The following MPDZ variants were observed in gnomAD, a reference collection of about 807,000 sequenced individuals.
MPDZ encodes the protein multiple PDZ domain protein.
MPDZ carries 234 observed loss-of-function variants against 239.1 expected under a neutral mutation model. The observed-to-expected ratio is 0.98, with a 90% CI of 0.88 to 1.09. The LOEUF is 1.09. Among genes scored for constraint, MPDZ ranks in the 50% least tolerant of loss-of-function variants. MPDZ has a pLI of 0.00. For missense variants in MPDZ, 3,175 were observed against 2,510.0 expected (o/e 1.26, Z -5.66); for synonymous variants, 1,048 against 881.3 (o/e 1.19, Z -3.35).
Position 13,121,618 on chromosome 9 carries a change from C to A in MPDZ, c.5231+121G>T, listed in dbSNP as rs573492807. The A allele has an allele frequency of 2.3e-5, 23 of 995,722 alleles. No homozygotes were observed. In the South Asian group the frequency reaches 2.9e-4, roughly 13 times the overall value. 61.7% of individuals were successfully genotyped at this position (995,722 alleles called of 1,614,324 possible). ...TATGGTTCCTTAGTGAGGGGGCTAA[C>A]AACAGCTACCTACTGAACACTAGCC... On this transcript the variant is annotated intron_variant, in intron 38 of 46. Coordinates refer to ENST00000319217, the MANE Select transcript of MPDZ (RefSeq NM_001378778.1).
chr9:13,224,653 G>C lies in MPDZ; in HGVS notation c.184-70C>G, dbSNP rs537485084. On this transcript the variant is annotated intron_variant, in intron 3 of 46. Coordinates refer to ENST00000319217, the MANE Select transcript of MPDZ (RefSeq NM_001378778.1). ...ACTATTTCATAGAAAATATCCCAAG[G>C]GTACAAGGACATACAAATGAAATTT... The C allele has an allele frequency of 1.3e-4, 137 of 1,042,352 alleles. No individual in the cohort carries two copies. In the African/African-American group the frequency reaches 2.1e-3, roughly 16 times the overall value. The allele number at this position is 1,042,352 out of a possible 1,614,324, so 64.6% of individuals were successfully genotyped here.
chr9:13,107,084 T>C lies in MPDZ; in HGVS notation c.6094A>G (p.Lys2032Glu), dbSNP rs749135989. 6.3e-7 allele frequency: 1 copy of C among 1,582,666 alleles called. No homozygotes were observed. The highest frequency in any genetic ancestry group is 2.3e-5 in the East Asian group (1 of 44,306). ...KGAASEDGRL[K>E]RGDQIIAVNG... ...ACAGCAATGATCTGATCGCCCCTTT[T>C]CAGACGTCCGTCTTCAGAGGCTGCT... Residue 2032 changes from lysine (K) to glutamate (E), a missense_variant, in exon 47 of 47, where the codon AAA becomes GAA. Lys to Glu is a moderately conservative substitution (Grantham distance 56). Coordinates refer to ENST00000319217, the MANE Select transcript of MPDZ (RefSeq NM_001378778.1).
chr9:13,115,341 G>T lies in MPDZ; in HGVS notation c.5380-7C>A. On this transcript the variant is annotated splice_region_variant and splice_polypyrimidine_tract_variant and intron_variant, in intron 39 of 46. Coordinates refer to ENST00000319217, the MANE Select transcript of MPDZ (RefSeq NM_001378778.1). ...TTACTGTGCCTAGGGAACACTGGGGGTGGGCATGGGGGGTGTTTTATGGAA... is the reference window on the plus strand; with the variant it reads ...TTACTGTGCCTAGGGAACACTGGGGTTGGGCATGGGGGGTGTTTTATGGAA... The T allele has an allele frequency of 6.2e-6, 10 of 1,607,132 alleles. No homozygotes were observed. Among genetic ancestry groups the T allele is most frequent in the Non-Finnish European group, 8.5e-6 (10 of 1,174,840 alleles).
At chr9:13,139,818 G>C (rs1947369431) in intron 28 of MPDZ, 169 bp downstream of exon 28, 1 of 768,548 alleles carries the variant, frequency 1.3e-6, no homozygotes, top group South Asian at 1.5e-5. Flanking sequence ...TCATGCCTCA[G>C]GAATGTATGC....
Position 13,106,055 on chromosome 9 carries a change from T to C in MPDZ, c.*910A>G, listed in dbSNP as rs1357313354. On this transcript the variant is annotated 3_prime_UTR_variant, in exon 47 of 47. Coordinates refer to ENST00000319217, the MANE Select transcript of MPDZ (RefSeq NM_001378778.1). ...ATTAGTAACACATTGTTCTCTGTCA[T>C]TAAGATTAATATGAATTGAAAACCA... The C allele has an allele frequency of 1.3e-5, 2 of 152,194 alleles. No homozygotes were observed. The highest frequency in any genetic ancestry group is 2.9e-5 in the Non-Finnish European group (2 of 68,024). The allele number at this position is 152,194 out of a possible 1,614,324, so 9.4% of individuals were successfully genotyped here.
intron 41 of MPDZ, among the ~76,000 whole-genome samples, 156 bp downstream of exon 41, chr9:13,113,775 T>TC (rs1942900392): frequency 6.6e-6 from 1 of 152,218 alleles, no homozygotes; most frequent in Admixed American, 6.5e-5. Flanking sequence ...AGGCAGAACT[T>TC]CATGTTGTTC....
chr9:13,202,631 G>C (rs184242534), intron 12 of MPDZ, among the ~76,000 whole-genome samples: 11 of 152,178 alleles, frequency 7.2e-5, no homozygotes, highest in Non-Finnish European at 1.2e-4. Flanking sequence ...ATAGGAATGG[G>C]ACCTAGGTGG....
At position 13,222,448 on chromosome 9, in the gene MPDZ, T is replaced by G; in HGVS notation, c.534-2A>C. ...TCAGTTTCTTTCAATCTTCCATCTC[T>G]ATCAAGGATGCAAAAGGGGATAAAA... On this transcript the variant is annotated splice_acceptor_variant, in intron 5 of 46. Transcript: ENST00000319217. LOFTEE classifies it high-confidence loss of function. 6.2e-7 allele frequency: 1 copy of G among 1,609,442 alleles called. No individual in the cohort carries two copies. Among genetic ancestry groups the G allele is most frequent in the Non-Finnish European group, 8.5e-7 (1 of 1,177,100 alleles).
chr9:13,278,051 G>A (rs961081952), intron 1 of MPDZ, among the ~76,000 whole-genome samples: 1 of 152,084 alleles, frequency 6.6e-6, no homozygotes, highest in Non-Finnish European at 1.5e-5. Context: ...TTTCAGATAA[G>A]GTGTTATTTA....
intron 3 of MPDZ, among the ~76,000 whole-genome samples, chr9:13,229,590 A>ACACACACACACACACCCCCATCCACCC (rs1961751656): frequency 1.3e-5 from 2 of 151,516 alleles, no homozygotes; most frequent in Non-Finnish European, 2.9e-5. Flanking sequence ...ACACACACAC[A>ACACACACACACACACCCCCATCCACCC]CACACACACA....
At chr9:13,136,037 A>AT (rs1946685158) in intron 31 of MPDZ, 55 bp downstream of exon 31, 1 of 1,173,490 alleles carries the variant, frequency 8.5e-7, no homozygotes, top group Non-Finnish European at 1.2e-6. Context: ...GATTGAATTA[A>AT]TAAGGCTCAC....
chr9:13,210,579 T>A (rs557716786), intron 10 of MPDZ, among the ~76,000 whole-genome samples: 1 of 152,188 alleles, frequency 6.6e-6, no homozygotes, highest in East Asian at 1.9e-4. Context: ...TTAGCTGCTT[T>A]GACAGTGGAG....
chr9:13,115,137 T>C, intron 40 of MPDZ, 111 bp downstream of exon 40: 1 of 830,418 alleles, frequency 1.2e-6, no homozygotes, highest in Non-Finnish European at 2.0e-6. Flanking sequence ...TCAGTCACTA[T>C]CCCACGCTGC....
rs532755934 is a variant in MPDZ, at chr9:13,221,355, C to G, written c.876+17G>C. On this transcript the variant is annotated intron_variant, in intron 7 of 46. Transcript: ENST00000319217. ...TATTTGATAAAATAGCATAAAAGAT[C>G]TATTGATGTAGCCTACCTGATCAGC... 6.3e-7 allele frequency: 1 copy of G among 1,582,606 alleles called. No homozygotes were observed. Among genetic ancestry groups the G allele is most frequent in the African/African-American group, 1.4e-5 (1 of 73,856 alleles).
At chr9:13,164,387 A>G (rs1373937971) in intron 22 of MPDZ, among the ~76,000 whole-genome samples, 2 of 152,186 alleles carry the variant, frequency 1.3e-5, no homozygotes, top group Non-Finnish European at 2.9e-5. Context: ...ATTTTAAACA[A>G]TGAAAAAATA....
chr9:13,192,204 C>G lies in MPDZ; in HGVS notation c.1895G>C (p.Arg632Pro), dbSNP rs950413889. 1.2e-6 allele frequency: 2 copies of G among 1,610,672 alleles called. No homozygotes were observed. Among genetic ancestry groups the G allele is most frequent in the Non-Finnish European group, 1.7e-6 (2 of 1,178,306 alleles). Reference sequence around the variant, plus strand: ...TTGGGTGGTGGGTGGCACAGTTCGACGACAGCACACCATTGTCACTTCTAT... The same window carrying G: ...TTGGGTGGTGGGTGGCACAGTTCGAGGACAGCACACCATTGTCACTTCTAT... ...LPIEVTMVCC[R>P]RTVPPTTQSE... is the part of the protein sequence containing the mutation. The change falls in exon 15 of 47, where the codon CGT (arginine) becomes CCT (proline). Residue 632 changes from arginine to proline, a missense_variant. By Grantham distance (103) the Arg-to-Pro change is moderately radical. Coordinates refer to ENST00000319217, the MANE Select transcript of MPDZ (RefSeq NM_001378778.1).
At chr9:13,236,821 G>A (rs117989449) in intron 3 of MPDZ, among the ~76,000 whole-genome samples, 1 of 149,494 alleles carries the variant, frequency 6.7e-6, no homozygotes. Flanking sequence ...TAAAAACTTC[G>A]CTCCTACAAT....
chr9:13,268,698 G>C (rs1259809408), intron 1 of MPDZ, among the ~76,000 whole-genome samples: 1 of 152,190 alleles, frequency 6.6e-6, no homozygotes, highest in Non-Finnish European at 1.5e-5. Flanking sequence ...AAAGGGAAAG[G>C]CATTTCTCAC....
intron 12 of MPDZ, among the ~76,000 whole-genome samples, chr9:13,200,404 CTT>C (rs1956239314): frequency 6.6e-6 from 1 of 151,916 alleles, no homozygotes. Context: ...TTTTCTTACT[CTT>C]TTGTATTTTC....
Sources: gnomAD v4.1 joint callset for allele counts (sites outside exome capture counted in the v4.1 genomes callset) on GRCh38, gnomAD v4.1.1 for gene constraint, MANE v1.5 for transcripts, NCBI Gene and HGNC (gene_info 2026-07-23, HGNC 2026-07-21) for gene names.